The following SMCO2 variants were observed in gnomAD, a reference collection of about 807,000 sequenced individuals.
SMCO2 encodes single-pass membrane and coiled-coil domain-containing protein 2.
In SMCO2, 25 loss-of-function variants were observed where a neutral mutation model predicts 29.5. The observed-to-expected ratio is 0.85, with a 90% CI of 0.62 to 1.18. SMCO2 has a LOEUF of 1.18. Among genes scored for constraint, SMCO2 ranks in the 50% most tolerant of loss-of-function variants. SMCO2 has a pLI of 0.00. For missense variants in SMCO2, 348 were observed against 344.5 expected (o/e 1.01, Z -0.08); for synonymous variants, 117 against 123.3 (o/e 0.95, Z 0.34).
chr12:27,435,720 C>T, the SMCO2 span, among the ~76,000 whole-genome samples: 1 of 152,108 alleles, frequency 6.6e-6, no homozygotes, highest in Non-Finnish European at 1.5e-5. Context: ...AAAATTCCCA[C>T]CTCTGGGTCA....
At chr12:27,499,471 T>G (rs1444767686) in intron 7 of SMCO2, among the ~76,000 whole-genome samples, 1 of 150,580 alleles carries the variant, frequency 6.6e-6, no homozygotes, top group Non-Finnish European at 1.5e-5. Context: ...GAATGGGGTT[T>G]CTTTTTGGGG....
At chr12:27,469,759 A>T (rs773117745) in intron 1 of SMCO2, among the ~76,000 whole-genome samples, 1 of 152,166 alleles carries the variant, frequency 6.6e-6, no homozygotes, top group African/African-American at 2.4e-5. Context: ...CTATGAGCCT[A>T]TCTCACACGT....
intron 7 of SMCO2, among the ~76,000 whole-genome samples, chr12:27,501,415 CAAAAAAAAA>C (rs540673188): frequency 1.2e-5 from 1 of 85,870 alleles, no homozygotes; most frequent in Admixed American, 1.4e-4. Context: ...GACTCCGTCT[CAAAAAAAAA>C]AAAAAAAAAA....
At chr12:27,472,905 A>C in intron 3 of SMCO2, 30 bp downstream of exon 3, 2 of 1,449,924 alleles carry the variant, frequency 1.4e-6, no homozygotes, top group Non-Finnish European at 9.5e-7. Flanking sequence ...TAAGAGAGAC[A>C]CTTAAATGAC....
chr12:27,494,454 C>T (rs999789659), intron 6 of SMCO2, 98 bp downstream of exon 7: 5 of 449,886 alleles, frequency 1.1e-5, no homozygotes, highest in Non-Finnish European at 1.9e-5. Context: ...CGGTGCACCA[C>T]ATACTAGTCT....
the SMCO2 span, among the ~76,000 whole-genome samples, chr12:27,440,541 G>A: frequency 6.6e-6 from 1 of 152,000 alleles, no homozygotes; most frequent in Admixed American, 6.6e-5. Flanking sequence ...AACAACAATA[G>A]GTAGAGCAAC....
At chr12:27,445,932 C>T in the SMCO2 span, among the ~76,000 whole-genome samples, 5,487 of 151,016 alleles carry the variant, frequency 0.036, 261 homozygotes, top group African/African-American at 0.11. Context: ...AAGACAGAGT[C>T]TTGCTCTGTC....
chr12:27,465,105 C>G (rs888739703), upstream of SMCO2, among the ~76,000 whole-genome samples: 115 of 151,428 alleles, frequency 7.6e-4, no homozygotes, highest in African/African-American at 2.6e-3. Flanking sequence ...GGCCGAGTAC[C>G]TGTGAGAACC....
rs530523249 is a variant in SMCO2 at position 27,485,377 on chromosome 12, A to C, written c.363-3083A>C. ...TCTTGGACAATAAAATATAGTTACAACTTTTAAAATAACCTTATCTACTAA... is the reference window on the plus strand; with the variant it reads ...TCTTGGACAATAAAATATAGTTACACCTTTTAAAATAACCTTATCTACTAA... On this transcript the variant is annotated intron_variant, in intron 4 of 7. Coordinates refer to ENST00000298876, the Ensembl canonical transcript of SMCO2. Among the ~76,000 whole-genome samples, 6 of 151,932 alleles carry C rather than the reference A, an allele frequency of 3.9e-5. 1 individual carries two copies. In the South Asian group the frequency reaches 1.2e-3, roughly 32 times the overall value.
chr12:27,455,794 T>C, the SMCO2 span, among the ~76,000 whole-genome samples: 2 of 152,228 alleles, frequency 1.3e-5, no homozygotes, highest in African/African-American at 4.8e-5. Flanking sequence ...TGAAATATTA[T>C]GCAATAATTA....
the SMCO2 span, among the ~76,000 whole-genome samples, chr12:27,429,125 T>C: frequency 1.3e-5 from 2 of 152,128 alleles, no homozygotes; most frequent in Admixed American, 6.5e-5. Flanking sequence ...GTAAAATAAT[T>C]AAAACTTATG....
chr12:27,453,845 C>G, the SMCO2 span, among the ~76,000 whole-genome samples: 1 of 152,192 alleles, frequency 6.6e-6, no homozygotes, highest in Non-Finnish European at 1.5e-5. Flanking sequence ...AATTATAAGA[C>G]TTGCCAAACT....
intron 5 of SMCO2, among the ~76,000 whole-genome samples, chr12:27,491,426 G>A (rs149902545): frequency 0.012 from 1,867 of 152,224 alleles, 14 homozygotes; most frequent in South Asian, 0.031. Context: ...GATAAGTGCT[G>A]TATGAAGATG....
chr12:27,449,887 C>T, the SMCO2 span, among the ~76,000 whole-genome samples: 10 of 152,164 alleles, frequency 6.6e-5, no homozygotes, highest in African/African-American at 2.4e-4. Flanking sequence ...TACGTGGGTC[C>T]GAATCTCTAG....
chr12:27,459,142 G>A, the SMCO2 span, among the ~76,000 whole-genome samples: 5 of 141,608 alleles, frequency 3.5e-5, no homozygotes, highest in Non-Finnish European at 7.5e-5. Context: ...AGCCAAGATC[G>A]CGCCACTGCA....
the SMCO2 span, among the ~76,000 whole-genome samples, chr12:27,456,183 C>A: frequency 6.6e-6 from 1 of 152,186 alleles, no homozygotes; most frequent in South Asian, 2.1e-4. Context: ...CCTTTGCACT[C>A]CAGCCTGGGC....
At chr12:27,499,481 G>A (rs889722316) in intron 7 of SMCO2, among the ~76,000 whole-genome samples, 1 of 150,562 alleles carries the variant, frequency 6.6e-6, no homozygotes, top group Admixed American at 6.6e-5. Flanking sequence ...TCTTTTTGGG[G>A]TGACAAAAAT....
At chr12:27,486,463 G>A (rs1949690078) in intron 4 of SMCO2, among the ~76,000 whole-genome samples, 1 of 152,164 alleles carries the variant, frequency 6.6e-6, no homozygotes, top group African/African-American at 2.4e-5. Flanking sequence ...TGCACTGTCT[G>A]TTGTTCAACG....
intron 6 of SMCO2, among the ~76,000 whole-genome samples, chr12:27,494,942 A>G (rs1480105654): frequency 6.6e-6 from 1 of 151,948 alleles, no homozygotes; most frequent in Non-Finnish European, 1.5e-5. Flanking sequence ...CTTCGGGTCT[A>G]CATATTACCC....
Sources: gnomAD v4.1 joint callset for allele counts (sites outside exome capture counted in the v4.1 genomes callset) on GRCh38, gnomAD v4.1.1 for gene constraint, MANE v1.5 for transcripts, NCBI Gene and HGNC (gene_info 2026-07-23, HGNC 2026-07-21) for gene names.